Variants in BIRC6 observed in about 807,000 individuals in gnomAD.
BIRC6 encodes dual E2 ubiquitin-conjugating enzyme/E3 ubiquitin-protein ligase BIRC6.
Under a neutral mutation model 503.3 loss-of-function variants are expected in BIRC6, and 98 were observed. The ratio of observed to expected loss-of-function variants is 0.19; its 90% confidence interval spans 0.17 to 0.23. The LOEUF is 0.23. Among genes scored for constraint, BIRC6 ranks in the 10% least tolerant of loss-of-function variants. The pLI, the probability that BIRC6 is intolerant of heterozygous loss-of-function variation, is 1.00. For synonymous variants in BIRC6, 2,240 were observed against 2,078.7 expected (o/e 1.08, Z -2.11); for missense variants, 5,360 against 5,806.0 (o/e 0.92, Z 2.50).
chr2:32,585,113 A>C (rs2060940051), intron 66 of BIRC6, among the ~76,000 whole-genome samples: 1 of 152,148 alleles, frequency 6.6e-6, no homozygotes. Context: ...CTAAGGACCA[A>C]GACAGAAAAA....
chr2:32,513,892 A>T (rs2054712000), intron 54 of BIRC6, among the ~76,000 whole-genome samples: 1 of 151,908 alleles, frequency 6.6e-6, no homozygotes, highest in South Asian at 2.1e-4. Flanking sequence ...CTGGGCGACA[A>T]GAGCAAGACT....
intron 65 of BIRC6, among the ~76,000 whole-genome samples, chr2:32,572,485 T>C (rs776834183): frequency 6.6e-6 from 1 of 152,238 alleles, no homozygotes; most frequent in Non-Finnish European, 1.5e-5. Flanking sequence ...AATATAGGCA[T>C]TTAAAATTTT....
intron 50 of BIRC6, 71 bp downstream of exon 50, chr2:32,505,276 T>C (rs1352319933): frequency 7.6e-7 from 1 of 1,321,958 alleles, no homozygotes; most frequent in Non-Finnish European, 1.1e-6. Context: ...AATAAAAATG[T>C]TTAGTAAGCG....
chr2:32,590,453 G>C (rs547244342), intron 66 of BIRC6, among the ~76,000 whole-genome samples: 62 of 152,128 alleles, frequency 4.1e-4, no homozygotes, highest in Non-Finnish European at 7.8e-4. Context: ...AAGGGGTCTT[G>C]TTTTATCAAG....
chr2:32,488,616 C>A lies in BIRC6; in HGVS notation c.7997C>A (p.Thr2666Lys). ...QLESLLQLWL[T>K]LSLNSSSTGN... ...GAGTCACTTCTCCAATTGTGGCTCA[C>A]ACTGAGCCTGAATTCTAGTTCAACT... Residue 2666 changes from threonine to lysine, a missense_variant, in exon 42 of 74, where the codon ACA (threonine) becomes AAA (lysine). By Grantham distance (78) the Thr-to-Lys change is moderately conservative (BLOSUM62 -1). This residue lies in a region of BIRC6 where 2,299 missense variants were observed against 2,267.2 expected (regional missense o/e 1.01). Transcript: ENST00000421745. 6.5e-7 allele frequency: 1 copy of A among 1,535,974 alleles called. No individual in the cohort carries two copies. The highest frequency in any genetic ancestry group is 1.4e-5 in the African/African-American group (1 of 72,266).
At chr2:32,424,183 G>C (rs1219453282) in intron 10 of BIRC6, among the ~76,000 whole-genome samples, 2 of 151,812 alleles carry the variant, frequency 1.3e-5, no homozygotes, top group Non-Finnish European at 2.9e-5. Flanking sequence ...CTATTTTGTT[G>C]TTGTTCATCT....
chr2:32,397,546 T>C (rs892966676), intron 6 of BIRC6, among the ~76,000 whole-genome samples: 7 of 151,598 alleles, frequency 4.6e-5, no homozygotes, highest in African/African-American at 1.7e-4. Context: ...GTTGAGTTTC[T>C]GTTTGGAATT....
At chr2:32,573,405 A>G (rs1285771704) in intron 65 of BIRC6, among the ~76,000 whole-genome samples, 2 of 152,258 alleles carry the variant, frequency 1.3e-5, no homozygotes, top group East Asian at 3.9e-4. Context: ...CATGTTGGCC[A>G]GGCTGGTCTC....
chr2:32,551,185 T>C (rs982812327), intron 65 of BIRC6, among the ~76,000 whole-genome samples: 29 of 151,078 alleles, frequency 1.9e-4, no homozygotes, highest in East Asian at 1.2e-3. Context: ...TTAATATAAG[T>C]ATATAAGTAC....
chr2:32,482,699 C>T, intron 39 of BIRC6, 117 bp downstream of exon 39: 1 of 1,081,050 alleles, frequency 9.3e-7, no homozygotes, highest in East Asian at 2.6e-5. Flanking sequence ...TTTAGTATCA[C>T]AGCTGTGCCG....
chr2:32,374,593 C>T (rs1383114194), intron 1 of BIRC6, among the ~76,000 whole-genome samples: 2 of 151,914 alleles, frequency 1.3e-5, no homozygotes, highest in African/African-American at 4.8e-5. Context: ...CTGCCTCAGC[C>T]TCCCGAGTAG....
chr2:32,408,402 G>A (rs560249329), intron 9 of BIRC6, among the ~76,000 whole-genome samples: 42 of 152,232 alleles, frequency 2.8e-4, no homozygotes, highest in African/African-American at 3.9e-4. Context: ...GAGCCACTGC[G>A]CCCGGCCAAG....
chr2:32,477,765 G>T (rs1396889230), intron 35 of BIRC6, among the ~76,000 whole-genome samples, 182 bp downstream of exon 35: 1 of 150,214 alleles, frequency 6.7e-6, no homozygotes, highest in South Asian at 2.1e-4. Flanking sequence ...TGACTTATAG[G>T]TTAATTAAAA....
At chr2:32,417,840 C>T (rs1475154703) in intron 10 of BIRC6, among the ~76,000 whole-genome samples, 9 of 152,062 alleles carry the variant, frequency 5.9e-5, no homozygotes, top group Non-Finnish European at 8.8e-5. Flanking sequence ...GGTGCAGTTA[C>T]GCAATCTTGG....
intron 58 of BIRC6, among the ~76,000 whole-genome samples, chr2:32,525,220 A>T (rs1436694331): frequency 6.6e-6 from 1 of 151,916 alleles, no homozygotes; most frequent in African/African-American, 2.4e-5. Flanking sequence ...TATTTCAGAG[A>T]TTATAGCAGC....
intron 36 of BIRC6, 120 bp from the exon 37 acceptor site, chr2:32,479,342 C>A: frequency 1.0e-6 from 1 of 973,792 alleles, no homozygotes; most frequent in South Asian, 1.7e-5. Context: ...GCCTCAGATT[C>A]TTTTATAGTT....
intron 33 of BIRC6, among the ~76,000 whole-genome samples, chr2:32,473,747 G>GTA (rs1221404681): frequency 1.3e-4 from 16 of 120,486 alleles, no homozygotes; most frequent in Non-Finnish European, 1.7e-5. Flanking sequence ...GTGTGTGTGT[G>GTA]TGTATTTTTT....
At chr2:32,462,252 C>T (rs953008297) in intron 23 of BIRC6, among the ~76,000 whole-genome samples, 1 of 152,150 alleles carries the variant, frequency 6.6e-6, no homozygotes, top group Non-Finnish European at 1.5e-5. Flanking sequence ...TTAAACTTGG[C>T]AACTACCTTT....
chr2:32,521,755 C>T (rs1254931357), intron 57 of BIRC6, among the ~76,000 whole-genome samples: 2 of 151,816 alleles, frequency 1.3e-5, no homozygotes, highest in Non-Finnish European at 2.9e-5. Context: ...GCTGAGATTA[C>T]AGGCATGAGC....
Sources: allele counts gnomAD v4.1 joint callset (sites outside exome capture counted in the v4.1 genomes callset), GRCh38; gene constraint gnomAD v4.1.1; regional missense constraint gnomAD v4.1.1; transcripts MANE v1.5; gene names NCBI Gene and HGNC (gene_info 2026-07-23, HGNC 2026-07-21).